Variants in WDR7 observed in about 807,000 individuals in gnomAD.
WDR7 encodes the protein WD repeat domain 7.
In WDR7, 46 loss-of-function variants were observed where a neutral mutation model predicts 169.4. The observed-to-expected ratio is 0.27, with a 90% CI of 0.21 to 0.35. The LOEUF (loss-of-function observed/expected upper bound fraction) is 0.35. Among genes scored for constraint, WDR7 ranks in the 10% least tolerant of loss-of-function variants. WDR7 has a pLI of 1.00. For synonymous variants in WDR7, 612 were observed against 666.8 expected (o/e 0.92, Z 1.27); for missense variants, 1,534 against 1,859.3 (o/e 0.83, Z 3.22).
intron 26 of WDR7, among the ~76,000 whole-genome samples, chr18:56,978,837 G>T (rs547758715): frequency 6.6e-6 from 1 of 152,102 alleles, no homozygotes; most frequent in Admixed American, 6.6e-5. Flanking sequence ...TAGCATGCCC[G>T]CATGTAATTC....
chr18:56,930,048 G>A (rs1011606794), intron 22 of WDR7, among the ~76,000 whole-genome samples: 12 of 152,290 alleles, frequency 7.9e-5, no homozygotes, highest in Admixed American at 3.9e-4. Context: ...CAGTGGAGCA[G>A]TGCCGGCCCA....
intron 20 of WDR7, among the ~76,000 whole-genome samples, chr18:56,872,054 T>C (rs2145446610): frequency 6.6e-6 from 1 of 152,016 alleles, no homozygotes; most frequent in South Asian, 2.1e-4. Flanking sequence ...AAGGTTTTAA[T>C]ACCTAATGCA....
intron 12 of WDR7, among the ~76,000 whole-genome samples, chr18:56,716,470 T>C (rs2026195085): frequency 2.0e-5 from 3 of 152,226 alleles, no homozygotes; most frequent in Admixed American, 2.0e-4. Flanking sequence ...TAAATATTAC[T>C]GTTATTTTTG....
At chr18:56,827,521 C>T (rs113288754) in intron 20 of WDR7, among the ~76,000 whole-genome samples, 4,247 of 151,642 alleles carry the variant, frequency 0.028, 73 homozygotes, top group Middle Eastern at 0.092. Flanking sequence ...GACCTATGTC[C>T]ATGAGTAGAA....
chr18:56,800,535 TTCA>T (rs1163490602), intron 19 of WDR7, among the ~76,000 whole-genome samples: 1 of 151,786 alleles, frequency 6.6e-6, no homozygotes, highest in Non-Finnish European at 1.5e-5. Context: ...CCATATAGTC[TTCA>T]TAAAAATAAA....
chr18:56,794,296 TAA>T (rs1454265621), intron 19 of WDR7, among the ~76,000 whole-genome samples: 1 of 134,618 alleles, frequency 7.4e-6, no homozygotes, highest in African/African-American at 2.7e-5. Flanking sequence ...TCTTAAAAGG[TAA>T]AGTCTATTTT....
chr18:56,793,123 T>G (rs1292617522), intron 19 of WDR7, among the ~76,000 whole-genome samples: 2 of 152,164 alleles, frequency 1.3e-5, no homozygotes, highest in African/African-American at 4.8e-5. Flanking sequence ...TTGAATGTGC[T>G]ACATTAATGT....
chr18:56,989,083 G>GAA (rs35161458), intron 26 of WDR7, among the ~76,000 whole-genome samples: 3,801 of 136,388 alleles, frequency 0.028, 144 homozygotes, highest in African/African-American at 0.092. Flanking sequence ...ATGGTTTTTT[G>GAA]AAAAAAAAAA....
At chr18:56,761,809 G>A (rs1323400202) in intron 16 of WDR7, among the ~76,000 whole-genome samples, 1 of 151,872 alleles carries the variant, frequency 6.6e-6, no homozygotes, top group Non-Finnish European at 1.5e-5. Context: ...CCCCAGTATA[G>A]AAATGCAGTT....
chr18:56,868,846 T>G (rs915660011), intron 20 of WDR7, among the ~76,000 whole-genome samples: 1 of 152,096 alleles, frequency 6.6e-6, no homozygotes, highest in Non-Finnish European at 1.5e-5. Flanking sequence ...AAGTTAGACG[T>G]TTTTGGAGAT....
intron 16 of WDR7, among the ~76,000 whole-genome samples, chr18:56,772,213 C>A (rs769866749): frequency 2.8e-4 from 42 of 151,858 alleles, no homozygotes; most frequent in Admixed American, 2.0e-4. Context: ...ATATAGAGTA[C>A]CTTTTCTCAG....
At chr18:56,836,376 G>A (rs1020229162) in intron 20 of WDR7, among the ~76,000 whole-genome samples, 1 of 152,152 alleles carries the variant, frequency 6.6e-6, no homozygotes, top group African/African-American at 2.4e-5. Flanking sequence ...CCCTGGACAG[G>A]GCTCCTGCTG....
At chr18:56,917,446 G>A (rs1452445154) in intron 21 of WDR7, among the ~76,000 whole-genome samples, 3 of 152,084 alleles carry the variant, frequency 2.0e-5, no homozygotes, top group South Asian at 4.1e-4. Flanking sequence ...TAAATGTAGC[G>A]TGCGTTAATA....
intron 19 of WDR7, among the ~76,000 whole-genome samples, chr18:56,800,854 T>C (rs1004075721): frequency 1.3e-5 from 2 of 152,340 alleles, no homozygotes; most frequent in East Asian, 3.9e-4. Flanking sequence ...CAGTCATTTC[T>C]CTAAGGAACC....
intron 20 of WDR7, among the ~76,000 whole-genome samples, chr18:56,831,036 T>C (rs1198076002): frequency 6.6e-6 from 1 of 152,190 alleles, no homozygotes; most frequent in African/African-American, 2.4e-5. Context: ...AGAAGCATGA[T>C]CTTCAGTGTA....
chr18:56,842,450 A>G (rs930229280), intron 20 of WDR7, among the ~76,000 whole-genome samples: 5 of 152,180 alleles, frequency 3.3e-5, no homozygotes, highest in Non-Finnish European at 7.3e-5. Context: ...ACACTTCTCA[A>G]CACTGTTGCA....
At chr18:56,802,280 CTTTTGTCCAA>C (rs2044687888) in intron 19 of WDR7, among the ~76,000 whole-genome samples, 1 of 151,452 alleles carries the variant, frequency 6.6e-6, no homozygotes, top group African/African-American at 2.4e-5. Context: ...CTATTTACAT[CTTTTGTCCAA>C]TTTTTCTTAC....
intron 26 of WDR7, among the ~76,000 whole-genome samples, chr18:57,012,407 G>A (rs2048147987): frequency 6.6e-6 from 1 of 152,106 alleles, no homozygotes; most frequent in African/African-American, 2.4e-5. Flanking sequence ...ACCTTCCTGT[G>A]TATGTGGAAG....
intron 14 of WDR7, among the ~76,000 whole-genome samples, chr18:56,743,578 T>C (rs1325995432): frequency 1.3e-5 from 2 of 152,198 alleles, no homozygotes; most frequent in Admixed American, 1.3e-4. Context: ...ATGAAGTCAT[T>C]AGTATTCTTT....
Sources: allele counts gnomAD v4.1 joint callset (sites outside exome capture counted in the v4.1 genomes callset), GRCh38; gene constraint gnomAD v4.1.1; transcripts MANE v1.5; gene names NCBI Gene and HGNC (gene_info 2026-07-23, HGNC 2026-07-21).